Variants in SLC35F1 observed in about 807,000 individuals in gnomAD.
SLC35F1 encodes solute carrier family 35 member F1.
In SLC35F1, 14 loss-of-function variants were observed where a neutral mutation model predicts 48.7. That is an observed-to-expected ratio of 0.29 (90% CI 0.19 to 0.45). The LOEUF is 0.45. Among genes scored for constraint, SLC35F1 ranks in the 20% least tolerant of loss-of-function variants. SLC35F1 has a pLI of 1.00. For missense variants in SLC35F1, 404 were observed against 500.0 expected (o/e 0.81, Z 1.83); for synonymous variants, 190 against 202.2 (o/e 0.94, Z 0.51).
intron 2 of SLC35F1, among the ~76,000 whole-genome samples, chr6:118,192,820 C>T (rs1031563833): frequency 9.2e-5 from 14 of 152,066 alleles, no homozygotes; most frequent in Admixed American, 9.2e-4. Flanking sequence ...CTTCAGGAGC[C>T]CTCTGCAGCA....
intron 1 of SLC35F1, among the ~76,000 whole-genome samples, chr6:118,069,493 C>T (rs576039624): frequency 6.6e-6 from 1 of 152,150 alleles, no homozygotes; most frequent in East Asian, 1.9e-4. Flanking sequence ...GATCAGGCCC[C>T]TAAAGATAAG....
At chr6:118,240,525 G>A (rs1775424973) in intron 3 of SLC35F1, among the ~76,000 whole-genome samples, 1 of 152,160 alleles carries the variant, frequency 6.6e-6, no homozygotes, top group Non-Finnish European at 1.5e-5. Flanking sequence ...GTATATGTAA[G>A]CAAAAATAAA....
intron 1 of SLC35F1, among the ~76,000 whole-genome samples, chr6:118,006,459 A>G (rs1356627849): frequency 1.3e-5 from 2 of 152,030 alleles, no homozygotes; most frequent in East Asian, 3.9e-4. Flanking sequence ...TCTACAAAAA[A>G]TTTTTAAAAA....
At chr6:118,175,954 G>A (rs931194984) in intron 2 of SLC35F1, among the ~76,000 whole-genome samples, 7 of 152,144 alleles carry the variant, frequency 4.6e-5, no homozygotes, top group Non-Finnish European at 8.8e-5. Flanking sequence ...AAAAAAGTTG[G>A]TGGAGATCCT....
At chr6:118,102,862 TATG>T (rs1202568329) in intron 1 of SLC35F1, among the ~76,000 whole-genome samples, 1 of 152,262 alleles carries the variant, frequency 6.6e-6, no homozygotes, top group Non-Finnish European at 1.5e-5. Flanking sequence ...GACAGCCTGC[TATG>T]ATATCATGAA....
At chr6:118,225,190 C>A (rs960075222) in intron 2 of SLC35F1, among the ~76,000 whole-genome samples, 1 of 152,122 alleles carries the variant, frequency 6.6e-6, no homozygotes, top group Non-Finnish European at 1.5e-5. Flanking sequence ...CAAAGCAATC[C>A]TGAGCAAAAA....
At chr6:117,963,380 G>A (rs1776521899) in intron 1 of SLC35F1, among the ~76,000 whole-genome samples, 1 of 151,538 alleles carries the variant, frequency 6.6e-6, no homozygotes, top group Admixed American at 6.6e-5. Flanking sequence ...CACTTTTAGG[G>A]GGACTTTGTG....
intron 7 of SLC35F1, among the ~76,000 whole-genome samples, chr6:118,291,046 G>A (rs998454008): frequency 1.3e-5 from 2 of 152,162 alleles, no homozygotes; most frequent in South Asian, 2.1e-4. Flanking sequence ...GCCCACCTTG[G>A]CCTCCCAAAG....
At chr6:118,277,824 A>T (rs1018269645) in intron 6 of SLC35F1, among the ~76,000 whole-genome samples, 1 of 151,814 alleles carries the variant, frequency 6.6e-6, no homozygotes, top group African/African-American at 2.4e-5. Context: ...CACCAACAGA[A>T]AAAAAAAACT....
intron 2 of SLC35F1, among the ~76,000 whole-genome samples, chr6:118,227,022 G>T (rs763930435): frequency 6.6e-6 from 1 of 152,086 alleles, no homozygotes; most frequent in African/African-American, 2.4e-5. Flanking sequence ...GCTCAACATT[G>T]TGCACACCAT....
intron 7 of SLC35F1, among the ~76,000 whole-genome samples, chr6:118,311,213 T>C (rs149906499): frequency 3.9e-4 from 59 of 152,350 alleles, no homozygotes; most frequent in Non-Finnish European, 7.9e-4. Context: ...TCAATGATTG[T>C]AGATTCATAC....
chr6:117,930,092 G>A (rs1315046291), intron 1 of SLC35F1, among the ~76,000 whole-genome samples: 1 of 152,206 alleles, frequency 6.6e-6, no homozygotes, highest in Non-Finnish European at 1.5e-5. Flanking sequence ...CCGAGCCCAT[G>A]CTCTTACATA....
intron 2 of SLC35F1, among the ~76,000 whole-genome samples, chr6:118,214,084 A>T (rs1775042113): frequency 6.6e-6 from 1 of 152,188 alleles, no homozygotes; most frequent in Non-Finnish European, 1.5e-5. Flanking sequence ...TCTCAAGTTC[A>T]CTACTATGAC....
chr6:117,993,608 C>G (rs1201452788), intron 1 of SLC35F1, among the ~76,000 whole-genome samples: 1 of 152,008 alleles, frequency 6.6e-6, no homozygotes, highest in Non-Finnish European at 1.5e-5. Flanking sequence ...TTTCTGTATT[C>G]CCCGAGAACA....
intron 1 of SLC35F1, among the ~76,000 whole-genome samples, chr6:118,068,869 A>C (rs1582648034): frequency 6.6e-6 from 1 of 152,330 alleles, no homozygotes; most frequent in Non-Finnish European, 1.5e-5. Context: ...CACTAAATAG[A>C]AAACAAATTC....
chr6:118,277,938 A>T (rs1775937402), intron 6 of SLC35F1, among the ~76,000 whole-genome samples: 1 of 152,230 alleles, frequency 6.6e-6, no homozygotes, highest in African/African-American at 2.4e-5. Context: ...AAGGGAAAAA[A>T]ACTGAACTTA....
intron 2 of SLC35F1, among the ~76,000 whole-genome samples, chr6:118,200,704 G>C (rs1774863361): frequency 6.6e-6 from 1 of 152,130 alleles, no homozygotes; most frequent in Admixed American, 6.5e-5. Flanking sequence ...GTAACACCAA[G>C]TTTTGCCTTA....
chr6:118,117,111 C>T (rs1342745556), intron 1 of SLC35F1, among the ~76,000 whole-genome samples: 1 of 152,120 alleles, frequency 6.6e-6, no homozygotes, highest in Non-Finnish European at 1.5e-5. Context: ...TATGTAGGCC[C>T]CACTCTTCTT....
At chr6:118,302,731 T>C (rs912891384) in intron 7 of SLC35F1, among the ~76,000 whole-genome samples, 6 of 152,142 alleles carry the variant, frequency 3.9e-5, no homozygotes, top group Non-Finnish European at 8.8e-5. Flanking sequence ...AGTTTAATTT[T>C]AAAAAGGAAA....
Sources: gnomAD v4.1 joint callset for allele counts (sites outside exome capture counted in the v4.1 genomes callset) on GRCh38, gnomAD v4.1.1 for gene constraint, MANE v1.5 for transcripts, NCBI Gene and HGNC (gene_info 2026-07-23, HGNC 2026-07-21) for gene names.